C6orf58: variants seen among roughly 807,000 people sequenced by gnomAD.
C6orf58 encodes the protein protein LEG1 homolog.
A neutral mutation model predicts 37.0 loss-of-function variants in C6orf58; 30 were observed. The observed-to-expected ratio is 0.81, with a 90% confidence interval of 0.61 to 1.10. The LOEUF is 1.10. Among genes scored for constraint, C6orf58 ranks in the 50% least tolerant of loss-of-function variants. The pLI is 0.00. For missense variants in C6orf58, 368 were observed against 387.5 expected (o/e 0.95, Z 0.42); for synonymous variants, 143 against 134.1 (o/e 1.07, Z -0.46).
At position 127,585,037 on chromosome 6, in the gene C6orf58, C is replaced by G. The variant is rs139782592; in HGVS notation, c.674+3755C>G. The stretch of plus-strand genomic sequence containing the variant: ...ATCAATCAATCTCTTCCTAACAGTT[C>G]TGGGAACTCTCATTCGGTCCAATGG... On this transcript the variant is annotated intron_variant, in intron 4 of 5. Coordinates refer to ENST00000329722, the MANE Select transcript of C6orf58 (RefSeq NM_001010905.3). Among the ~76,000 whole-genome samples, 217 of 152,210 alleles carry G rather than the reference C, an allele frequency of 1.4e-3. 1 individual carries two copies. Among genetic ancestry groups the G allele is most frequent in the Admixed American group, 4.0e-3 (61 of 15,292 alleles).
In C6orf58 at chr6:127,580,359, A is replaced by C; in HGVS notation, c.483A>C (p.Pro161=). ...ISSDQVRLLP[P]PKNERKFCYD... Reference sequence around the variant, plus strand: ...CAGACCAAGTCAGGCTTTTGCCCCCACCCAAGAATGAGAGGAAGTTTTGTT... The same window carrying C: ...CAGACCAAGTCAGGCTTTTGCCCCCCCCCAAGAATGAGAGGAAGTTTTGTT... The change falls in exon 3 of 6, where the codon CCA becomes CCC. Residue 161 remains proline, a synonymous_variant. Coordinates refer to ENST00000329722, the MANE Select transcript of C6orf58 (RefSeq NM_001010905.3). The C allele has an allele frequency of 6.2e-7, 1 of 1,612,986 alleles. No individual in the cohort carries two copies.
At chr6:127,584,663 A>G (rs959311510) in intron 4 of C6orf58, among the ~76,000 whole-genome samples, 1 of 151,918 alleles carries the variant, frequency 6.6e-6, no homozygotes, top group Non-Finnish European at 1.5e-5. Context: ...AGTACCAGCT[A>G]CTTGGGAGGC....
chr6:127,581,316 TA>T, intron 4 of C6orf58, 34 bp downstream of exon 4: 1 of 953,916 alleles, frequency 1.0e-6, no homozygotes, highest in South Asian at 2.0e-5. Flanking sequence ...CTCTATTTAA[TA>T]TGATAAATAA....
In C6orf58 at chr6:127,578,695, C is replaced by T. The variant is rs1422098760; in HGVS notation, c.311C>T (p.Ala104Val). The T allele has an allele frequency of 6.2e-7, 1 of 1,612,028 alleles. No homozygotes were observed. Among genetic ancestry groups the T allele is most frequent in the Non-Finnish European group, 8.5e-7 (1 of 1,178,452 alleles). The change falls in exon 2 of 6, where the codon GCT becomes GTT. Residue 104 changes from alanine to valine, a missense_variant. By Grantham distance (64) the Ala-to-Val change is moderately conservative (BLOSUM62 0). Coordinates refer to ENST00000329722, the MANE Select transcript of C6orf58 (RefSeq NM_001010905.3). Reference protein sequence around the residue: ...YGWQYRTGRLADPTRRTNCGY... With the variant: ...YGWQYRTGRLVDPTRRTNCGY... ...ATCCTCTCTCCTCCAGGCAGATTAGCTGATCCAACCCGAAGGACAAACTGT... is the reference window on the plus strand; with the variant it reads ...ATCCTCTCTCCTCCAGGCAGATTAGTTGATCCAACCCGAAGGACAAACTGT...
chr6:127,582,434 G>A (rs895685847), intron 4 of C6orf58, among the ~76,000 whole-genome samples: 1 of 152,150 alleles, frequency 6.6e-6, no homozygotes, highest in African/African-American at 2.4e-5. Context: ...TTACAACTGA[G>A]CTTCTACCCT....
intron 4 of C6orf58, among the ~76,000 whole-genome samples, chr6:127,582,267 A>C (rs935478513): frequency 3.9e-5 from 6 of 152,170 alleles, no homozygotes; most frequent in Non-Finnish European, 8.8e-5. Context: ...GGGGAGGTTA[A>C]GGTGCACCAG....
chr6:127,590,177 C>G lies in C6orf58; in HGVS notation c.765C>G (p.Thr255=). ...DHLAAVLFPT[T]LIRSYKFQKG... is the part of the protein sequence containing the mutation. ...TAGCTGCAGTCCTCTTTCCTACAACCTTGATTAGATCATATAAGTTCCAGA... is the reference window on the plus strand; with the variant it reads ...TAGCTGCAGTCCTCTTTCCTACAACGTTGATTAGATCATATAAGTTCCAGA... The change falls in exon 5 of 6, where the codon ACC becomes ACG. Residue 255 remains threonine, a synonymous_variant. Coordinates refer to ENST00000329722, the MANE Select transcript of C6orf58 (RefSeq NM_001010905.3). 1.2e-6 allele frequency: 2 copies of G among 1,613,762 alleles called. No individual in the cohort carries two copies. The highest frequency in any genetic ancestry group is 1.7e-6 in the Non-Finnish European group (2 of 1,179,800).
Position 127,580,467 on chromosome 6 carries a change from T to C in C6orf58, c.573+18T>C. On this transcript the variant is annotated intron_variant, in intron 3 of 5. Coordinates refer to ENST00000329722, the MANE Select transcript of C6orf58 (RefSeq NM_001010905.3). ...TTTACCAGGTTCCTTCTTTATACTC[T>C]TACGAGATAGGAAGAGAGTTTATTT... is the stretch of plus-strand genomic sequence containing the variant. 1 of 1,579,868 alleles carries C rather than the reference T, an allele frequency of 6.3e-7. No homozygotes were observed. The highest frequency in any genetic ancestry group is 1.7e-4 in the Middle Eastern group (1 of 5,934).
intron 4 of C6orf58, among the ~76,000 whole-genome samples, chr6:127,584,370 T>C (rs1397559895): frequency 1.3e-5 from 2 of 152,234 alleles, no homozygotes; most frequent in African/African-American, 2.4e-5. Flanking sequence ...TCCTCATAGT[T>C]TGGATTATTT....
Position 127,585,739 on chromosome 6 carries a change from G to A in C6orf58, c.675-4348G>A, listed in dbSNP as rs188841680. ...ATTAATGCTTGATTTTTAGAAAAAC[G>A]TATAAATAATTCTCTTCTAATTTTA... On this transcript the variant is annotated intron_variant, in intron 4 of 5. Coordinates refer to ENST00000329722, the MANE Select transcript of C6orf58 (RefSeq NM_001010905.3). Among the ~76,000 whole-genome samples, 65 of 152,232 alleles carry A rather than the reference G, an allele frequency of 4.3e-4. No homozygotes were observed. In the East Asian group the frequency reaches 0.01, roughly 24 times the overall value.
intron 5 of C6orf58, among the ~76,000 whole-genome samples, chr6:127,590,923 TA>T (rs1442827682): frequency 1.3e-5 from 2 of 152,138 alleles, no homozygotes; most frequent in Non-Finnish European, 2.9e-5. Flanking sequence ...GAGCCAAATT[TA>T]AAACGTTTTT....
chr6:127,579,681 T>A (rs553912814), intron 2 of C6orf58, among the ~76,000 whole-genome samples: 13 of 152,186 alleles, frequency 8.5e-5, no homozygotes, highest in African/African-American at 2.6e-4. Context: ...ATAGGTAAAA[T>A]TTTTTAAAAT....
At chr6:127,579,546 T>C (rs1205920463) in intron 2 of C6orf58, among the ~76,000 whole-genome samples, 2 of 152,096 alleles carry the variant, frequency 1.3e-5, no homozygotes, top group African/African-American at 4.8e-5. Flanking sequence ...CACTGTGGCA[T>C]AGGATTCCAT....
intron 4 of C6orf58, among the ~76,000 whole-genome samples, chr6:127,585,590 C>A (rs796381220): frequency 2.4e-4 from 37 of 152,224 alleles, no homozygotes; most frequent in African/African-American, 8.4e-4. Context: ...TTTTGTAGGA[C>A]AATTACTTCA....
chr6:127,587,142 CCAAAATCT>C (rs1469795846), intron 4 of C6orf58, among the ~76,000 whole-genome samples: 2 of 152,096 alleles, frequency 1.3e-5, no homozygotes, highest in Non-Finnish European at 2.9e-5. Context: ...TTTTCAGCTT[CCAAAATCT>C]TGTTGTTCCC....
chr6:127,581,177 C>A lies in C6orf58; in HGVS notation c.574-5C>A. 1.4e-6 allele frequency: 2 copies of A among 1,413,402 alleles called. No individual in the cohort carries two copies. Among genetic ancestry groups the A allele is most frequent in the South Asian group, 1.5e-5 (1 of 66,334 alleles). The allele number at this position is 1,413,402 out of a possible 1,614,324, so 87.6% of individuals were successfully genotyped here. A position where few individuals can be genotyped will look rare whatever the true frequency, so the allele number is the denominator to read the frequency against. On this transcript the variant is annotated splice_polypyrimidine_tract_variant and splice_region_variant and intron_variant, in intron 3 of 5. Transcript: ENST00000329722. ...ATATTAATAAATTTGACCTCTTTACCTTAGTATTTGCAGTCACCTTTTAGT... is the reference window on the plus strand; with the variant it reads ...ATATTAATAAATTTGACCTCTTTACATTAGTATTTGCAGTCACCTTTTAGT...
intron 4 of C6orf58, among the ~76,000 whole-genome samples, chr6:127,583,670 G>A (rs1775073781): frequency 6.6e-6 from 1 of 152,112 alleles, no homozygotes; most frequent in Non-Finnish European, 1.5e-5. Context: ...CCTTCTGATG[G>A]AGTTCAAAGG....
In C6orf58 at chr6:127,580,264, G is replaced by T; in HGVS notation, c.389-1G>T. 6.2e-7 allele frequency: 1 copy of T among 1,605,748 alleles called. No homozygotes were observed. On this transcript the variant is annotated splice_acceptor_variant, in intron 2 of 5. Transcript: ENST00000329722. LOFTEE classifies it high-confidence loss of function. ...TAATAGTAAATCTTTTGTTCTTACA[G>T]ATTTGAATTATTTTCTGTCTTCATT...
Position 127,591,660 on chromosome 6 carries a change from T to C in C6orf58, c.*38T>C, listed in dbSNP as rs116764608. ...CAAACTTCAGGAAATGATTAATGAA[T>C]TAAAAATGAAAAACTCGAACTTGAC... On this transcript the variant is annotated 3_prime_UTR_variant, in exon 6 of 6. Coordinates refer to ENST00000329722, the MANE Select transcript of C6orf58 (RefSeq NM_001010905.3). 1.2e-3 allele frequency: 1,745 copies of C among 1,446,052 alleles called. 23 individuals carry two copies. The African/African-American group carries it at 0.023, about 19-fold the overall frequency. 89.6% of individuals were successfully genotyped at this position (1,446,052 alleles called of 1,614,324 possible).
Sources: allele counts gnomAD v4.1 joint callset (sites outside exome capture counted in the v4.1 genomes callset), GRCh38; gene constraint gnomAD v4.1.1; transcripts MANE v1.5; gene names NCBI Gene and HGNC (gene_info 2026-07-23, HGNC 2026-07-21).